Variants in KIF5C observed in about 807,000 individuals in gnomAD.
KIF5C encodes the protein kinesin family member 5C, also known as kinesin heavy chain isoform 5C.
In KIF5C, 18 loss-of-function variants were observed where a neutral mutation model predicts 125.2. That is an observed-to-expected ratio of 0.14 (90% confidence interval 0.10 to 0.21). KIF5C has a LOEUF of 0.21. KIF5C is among the 10% of genes least tolerant of loss of function. KIF5C has a pLI of 1.00. For synonymous variants in KIF5C, 405 were observed against 434.0 expected (o/e 0.93, Z 0.83); for missense variants, 780 against 1,183.8 (o/e 0.66, Z 5.01).
At position 149,007,992 on chromosome 2, in the gene KIF5C, G is replaced by C. The variant is rs754493688; in HGVS notation, c.2475G>C (p.Gly825=). 9 of 1,610,138 alleles carry C rather than the reference G, an allele frequency of 5.6e-6. No individual in the cohort carries two copies. Among genetic ancestry groups the C allele is most frequent in the Non-Finnish European group, 7.6e-6 (9 of 1,177,342 alleles). Residue 825 remains glycine, a synonymous_variant, in exon 23 of 26, where the codon GGG becomes GGC. Transcript: ENST00000435030. The stretch of plus-strand genomic sequence containing the variant: ...TGGAGTTGGACAACGATGATGGAGG[G>C]GGCAGTGCTGCCCAGAAGCAGAAAA... ...KSVELDNDDG[G]GSAAQKQKIS...
chr2:148,982,941 A>C lies in KIF5C; in HGVS notation c.1570-679A>C, dbSNP rs1045918480. Among the ~76,000 whole-genome samples the C allele has an allele frequency of 3.3e-5, 5 of 152,236 alleles. No individual in the cohort carries two copies. In the South Asian group the frequency reaches 1.0e-3, roughly 32 times the overall value. ...GATGTTAAACGTTAGTTAAGAATAC[A>C]TACCTTTTGGCAAGATACATGAGGA... On this transcript the variant is annotated intron_variant, in intron 14 of 25. Coordinates refer to ENST00000435030, the MANE Select transcript of KIF5C (RefSeq NM_004522.3).
intron 11 of KIF5C, among the ~76,000 whole-genome samples, chr2:148,966,310 A>G (rs936725017): frequency 1.3e-5 from 2 of 151,940 alleles, no homozygotes; most frequent in Admixed American, 6.6e-5. Flanking sequence ...CAGCTGCTGG[A>G]GAGCAAGGAA....
chr2:148,914,485 G>A (rs1442559490), intron 1 of KIF5C, among the ~76,000 whole-genome samples: 3 of 152,238 alleles, frequency 2.0e-5, no homozygotes, highest in Admixed American at 6.5e-5. Context: ...TCTTGACAGT[G>A]TCTGTGTGTC....
At chr2:149,006,213 G>C (rs141515527) in intron 22 of KIF5C, among the ~76,000 whole-genome samples, 1 of 152,044 alleles carries the variant, frequency 6.6e-6, no homozygotes, top group African/African-American at 2.4e-5. Context: ...GTGTGTGTAC[G>C]TGTGTGTGTG....
intron 11 of KIF5C, among the ~76,000 whole-genome samples, chr2:148,962,583 A>G (rs1682955423): frequency 6.6e-6 from 1 of 152,106 alleles, no homozygotes; most frequent in African/African-American, 2.4e-5. Flanking sequence ...ACCTGTATGA[A>G]CAAGCAGATG....
At chr2:148,900,215 T>G (rs1174938396) in intron 1 of KIF5C, among the ~76,000 whole-genome samples, 2 of 152,194 alleles carry the variant, frequency 1.3e-5, no homozygotes, top group African/African-American at 4.8e-5. Context: ...TTCTCAGACC[T>G]TGGAGCAGAT....
At chr2:149,021,417 A>G (rs1018569573) in intron 25 of KIF5C, among the ~76,000 whole-genome samples, 6 of 149,966 alleles carry the variant, frequency 4.0e-5, no homozygotes, top group African/African-American at 1.5e-4. Flanking sequence ...TTTTTTTTCT[A>G]TTCAGTTTCT....
chr2:148,910,328 G>A (rs1293614821), intron 1 of KIF5C, among the ~76,000 whole-genome samples: 2 of 152,138 alleles, frequency 1.3e-5, no homozygotes, highest in Non-Finnish European at 2.9e-5. Context: ...TACGTGCTTT[G>A]TGACCCTGTG....
Position 148,875,498 on chromosome 2 carries a change from T to TC in KIF5C, c.-119dup. ...GCTCGCGATGACCTGCTGAGAAGCG[T>TC]CGTCGGAGGCTGCAGGAGGCGGCCT... On this transcript the variant is annotated 5_prime_UTR_variant, in exon 1 of 26. Transcript: ENST00000435030. The TC allele has an allele frequency of 1.2e-6, 1 of 811,194 alleles. No individual in the cohort carries two copies. The highest frequency in any genetic ancestry group is 1.7e-5 in the African/African-American group (1 of 57,894). The allele number at this position is 811,194 out of a possible 1,614,324, so 50.2% of individuals were successfully genotyped here. A position where few individuals can be genotyped will look rare whatever the true frequency, so the allele number is the denominator to read the frequency against.
Position 149,026,237 on chromosome 2 carries a change from A to C in KIF5C, c.*3167A>C, listed in dbSNP as rs1348615373. 1 of 152,308 alleles carries C rather than the reference A, an allele frequency of 6.6e-6. No homozygotes were observed. Among genetic ancestry groups the C allele is most frequent in the Non-Finnish European group, 1.5e-5 (1 of 68,040 alleles). The allele number at this position is 152,308 out of a possible 1,614,324, so 9.4% of individuals were successfully genotyped here. On this transcript the variant is annotated 3_prime_UTR_variant, in exon 26 of 26. Transcript: ENST00000435030. ...CCAGAATCTTGAGCAAGCTAAAGAAACCATCATAATCTAAAATTGCTTCAT... is the reference window on the plus strand; with the variant it reads ...CCAGAATCTTGAGCAAGCTAAAGAACCCATCATAATCTAAAATTGCTTCAT...
At chr2:148,888,826 T>G (rs987779188) in intron 1 of KIF5C, 2 of 152,158 alleles carry the variant, frequency 1.3e-5, no homozygotes, top group African/African-American at 4.8e-5. Flanking sequence ...GATATACAGT[T>G]CTGCCTTTTT....
chr2:149,009,610 C>G (rs906981926), intron 23 of KIF5C, among the ~76,000 whole-genome samples: 1 of 152,136 alleles, frequency 6.6e-6, no homozygotes, highest in Non-Finnish European at 1.5e-5. Flanking sequence ...AGCAAAAAGG[C>G]GCAGTCTCCT....
chr2:148,900,006 A>G (rs1054206962), intron 1 of KIF5C, among the ~76,000 whole-genome samples: 2 of 152,220 alleles, frequency 1.3e-5, no homozygotes, highest in African/African-American at 2.4e-5. Flanking sequence ...TGCAGAGACA[A>G]TTAAGGTTGG....
chr2:148,920,698 C>T (rs1311674463), intron 1 of KIF5C, among the ~76,000 whole-genome samples: 1 of 152,154 alleles, frequency 6.6e-6, no homozygotes, highest in African/African-American at 2.4e-5. Flanking sequence ...TCAGCTCTAC[C>T]CAAGTAATAA....
At chr2:148,918,841 G>A (rs1418080396) in intron 1 of KIF5C, among the ~76,000 whole-genome samples, 1 of 152,240 alleles carries the variant, frequency 6.6e-6, no homozygotes, top group Non-Finnish European at 1.5e-5. Context: ...TGATAGTTAG[G>A]AGCGAGAATT....
At chr2:148,899,221 C>T (rs1287450479) in intron 1 of KIF5C, among the ~76,000 whole-genome samples, 1 of 152,090 alleles carries the variant, frequency 6.6e-6, no homozygotes, top group Non-Finnish European at 1.5e-5. Context: ...GCATAGAAAG[C>T]CATATCTTAC....
chr2:148,986,708 C>T (rs979542810), intron 15 of KIF5C, among the ~76,000 whole-genome samples: 1 of 152,156 alleles, frequency 6.6e-6, no homozygotes, highest in South Asian at 2.1e-4. Context: ...CAAGGTCCCT[C>T]CTGGTAGGGC....
chr2:148,936,909 G>C (rs1682303115), intron 3 of KIF5C, among the ~76,000 whole-genome samples: 1 of 152,172 alleles, frequency 6.6e-6, no homozygotes, highest in Admixed American at 6.5e-5. Flanking sequence ...AGGTCAGTTT[G>C]TAAATACTCA....
At chr2:148,950,193 C>T (rs1260879941) in intron 9 of KIF5C, 121 bp from the exon 10 acceptor site, 2 of 1,461,760 alleles carry the variant, frequency 1.4e-6, no homozygotes, top group Non-Finnish European at 1.8e-6. Flanking sequence ...TCCAAAGACC[C>T]AGCCACAAAT....
Sources: allele counts gnomAD v4.1 joint callset (sites outside exome capture counted in the v4.1 genomes callset), GRCh38; gene constraint gnomAD v4.1.1; transcripts MANE v1.5; gene names NCBI Gene and HGNC (gene_info 2026-07-23, HGNC 2026-07-21).